The following PEAK3 variants were observed in gnomAD, a reference collection of about 807,000 sequenced individuals.
PEAK3 encodes PEAK family member 3, also known as protein PEAK3.
Under a neutral mutation model 13.3 loss-of-function variants are expected in PEAK3, and 15 were observed. The observed-to-expected ratio is 1.13, with a 90% CI of 0.75 to 1.73. The LOEUF (loss-of-function observed/expected upper bound fraction) is 1.73, where lower values mean the gene tolerates loss of function less well. PEAK3 is among the 40% of genes most tolerant of loss of function. PEAK3 has a pLI of 0.00. For synonymous variants in PEAK3, 347 were observed against 341.9 expected (o/e 1.01, Z -0.17); for missense variants, 739 against 690.2 (o/e 1.07, Z -0.79).
Position 2,276,096 on chromosome 19 carries a change from GACAGACGC to G in PEAK3, c.998_1005del (p.Arg333ProfsTer70), listed in dbSNP as rs2025384090. ...GATCCCGGGGGTCCAGGGGGCTGCA[GACAGACGC>G]GGCCAAAGTCAGTGAGGAGCAGGCG... On this transcript the variant is annotated frameshift_variant, in exon 4 of 4. Transcript: ENST00000342063. LOFTEE classifies it low-confidence loss of function (END_TRUNC). 2.0e-6 allele frequency: 3 copies of G among 1,502,518 alleles called. No homozygotes were observed. Among genetic ancestry groups the G allele is most frequent in the South Asian group, 2.6e-5 (2 of 78,244 alleles). 93.1% of individuals were successfully genotyped at this position (1,502,518 alleles called of 1,614,324 possible). A position where few individuals can be genotyped will look rare whatever the true frequency, so the allele number is the denominator to read the frequency against.
chr19:2,277,251 G>A (rs1308478880), intron 3 of PEAK3, among the ~76,000 whole-genome samples: 1 of 152,094 alleles, frequency 6.6e-6, no homozygotes, highest in African/African-American at 2.4e-5. Context: ...GGTGGGAGGC[G>A]ACTTGGATCT....
chr19:2,279,202 C>T (rs1462185030), intron 2 of PEAK3, 89 bp from the exon 3 acceptor site: 1 of 1,144,628 alleles, frequency 8.7e-7, no homozygotes, highest in African/African-American at 1.6e-5. Context: ...GTTTCCCCAT[C>T]TCTAACATGG....
intron 3 of PEAK3, among the ~76,000 whole-genome samples, chr19:2,276,857 A>G (rs1236891521): frequency 6.6e-6 from 1 of 152,102 alleles, no homozygotes; most frequent in Non-Finnish European, 1.5e-5. Context: ...CTACTAAAAA[A>G]TGCAAAACTA....
At chr19:2,276,560 C>A in intron 3 of PEAK3, 71 bp from the exon 4 acceptor site, 1 of 1,341,684 alleles carries the variant, frequency 7.5e-7, no homozygotes, top group Non-Finnish European at 9.8e-7. Context: ...CCCAGTGCTA[C>A]CTGCCCCGAA....
chr19:2,274,999 A>G lies in PEAK3; in HGVS notation c.*681T>C, dbSNP rs1429203969. On this transcript the variant is annotated 3_prime_UTR_variant, in exon 4 of 4. Coordinates refer to ENST00000342063, the MANE Select transcript of PEAK3 (RefSeq NM_198532.3). The stretch of plus-strand genomic sequence containing the variant: ...AACAGTATGGCAGAGGGAACAGCCT[A>G]CACAAATGCTTGGGGGCGCGAAAGA... 6.8e-6 allele frequency: 1 copy of G among 146,382 alleles called. No homozygotes were observed. Among genetic ancestry groups the G allele is most frequent in the Admixed American group, 6.9e-5 (1 of 14,574 alleles). 9.1% of individuals were successfully genotyped at this position (146,382 alleles called of 1,614,324 possible).
chr19:2,276,185 C>G lies in PEAK3; in HGVS notation c.917G>C (p.Arg306Pro). The G allele has an allele frequency of 6.4e-7, 1 of 1,552,458 alleles. No individual in the cohort carries two copies. The highest frequency in any genetic ancestry group is 8.7e-7 in the Non-Finnish European group (1 of 1,151,124). The change falls in exon 4 of 4, where the codon CGG (arginine) becomes CCG (proline). Residue 306 changes from arginine (R) to proline (P), a missense_variant. By Grantham distance (103) the Arg-to-Pro change is moderately radical. Transcript: ENST00000342063. ...TGCCACCAGCAGCAAGTTCTCCGGC[C>G]GCAACTCGACTAGGGCCGCGCCCCA... ...EAWGAALVEL[R>P]PENLLLVAPR...
In PEAK3 at chr19:2,276,209, C is replaced by A; in HGVS notation, c.893G>T (p.Trp298Leu). 1 of 1,567,802 alleles carries A rather than the reference C, an allele frequency of 6.4e-7. No individual in the cohort carries two copies. Among genetic ancestry groups the A allele is most frequent in the South Asian group, 1.2e-5 (1 of 86,382 alleles). The stretch of plus-strand genomic sequence containing the variant: ...CCGCAACTCGACTAGGGCCGCGCCC[C>A]ACGCCTCCAGGAACTTCAGGGCCGC... ...LSAALKFLEA[W>L]GAALVELRPE... The change falls in exon 4 of 4, where the codon TGG becomes TTG. Residue 298 changes from tryptophan (W) to leucine (L), a missense_variant. Trp to Leu is a moderately conservative substitution (Grantham distance 61). Transcript: ENST00000342063.
At position 2,280,915 on chromosome 19, in the gene PEAK3, G is replaced by A. The variant is rs143764794; in HGVS notation, c.17C>T (p.Pro6Leu). Residue 6 changes from proline to leucine, a missense_variant, in exon 2 of 4, where the codon CCC becomes CTC. Coordinates refer to ENST00000342063, the MANE Select transcript of PEAK3 (RefSeq NM_198532.3). ...GTCGGGCTCGGGGGGCTCTGTGGGG[G>A]GCTCCGGGCTGCTCATGTTGCTGGG... MSSPE[P>L]PTEPPEPDNP... is the part of the protein sequence containing the mutation. The A allele has an allele frequency of 1.4e-5, 22 of 1,571,104 alleles. No individual in the cohort carries two copies. The highest frequency in any genetic ancestry group is 1.7e-5 in the Non-Finnish European group (20 of 1,159,178).
rs540065818 is a variant in PEAK3, at chr19:2,281,594, G to A, written c.-5+493C>T. Among the ~76,000 whole-genome samples the A allele has an allele frequency of 8.5e-5, 12 of 141,514 alleles. No individual in the cohort carries two copies. The East Asian group carries it at 2.7e-3, about 31-fold the overall frequency. The allele number at this position is 141,514 out of a possible 152,430, so 92.8% of individuals were successfully genotyped here. A position where few individuals can be genotyped will look rare whatever the true frequency, so the allele number is the denominator to read the frequency against. Reference sequence around the variant, plus strand: ...CTCTGGGCCCCTGATGTGTGATCCCGAGTGGGTTTCCTGCCCTCTCTGGGG... The same window carrying A: ...CTCTGGGCCCCTGATGTGTGATCCCAAGTGGGTTTCCTGCCCTCTCTGGGG... On this transcript the variant is annotated intron_variant, in intron 1 of 3. Transcript: ENST00000342063.
intron 2 of PEAK3, among the ~76,000 whole-genome samples, chr19:2,279,946 G>T (rs1159347803): frequency 3.3e-5 from 5 of 150,614 alleles, no homozygotes; most frequent in Non-Finnish European, 1.5e-5. Context: ...TAGAGATGGG[G>T]TTTCACCATG....
intron 2 of PEAK3, 66 bp downstream of exon 2, chr19:2,280,784 G>T (rs113248494): frequency 7.7e-7 from 1 of 1,301,020 alleles, no homozygotes. Context: ...CCCACCTGCC[G>T]CTCCCTGCAC....
intron 2 of PEAK3, 67 bp from the exon 3 acceptor site, chr19:2,279,180 C>T (rs2025420124): frequency 7.8e-7 from 1 of 1,277,154 alleles, no homozygotes; most frequent in Admixed American, 3.4e-5. Context: ...GTGACTCCAC[C>T]TCTCAGCCTC....
Position 2,278,861 on chromosome 19 carries a change from A to G in PEAK3, c.335T>C (p.Leu112Pro). The G allele has an allele frequency of 1.9e-6, 3 of 1,598,388 alleles. No homozygotes were observed. The highest frequency in any genetic ancestry group is 2.6e-6 in the Non-Finnish European group (3 of 1,172,830). Residue 112 changes from leucine (L) to proline (P), a missense_variant, in exon 3 of 4, where the codon CTG (leucine) becomes CCG (proline). Leu to Pro is a moderately conservative substitution (Grantham distance 98, BLOSUM62 -3). Transcript: ENST00000342063. The part of the protein sequence containing the change: ...AVGPACLPAE[L>P]TFGPADAPLG... ...TGGGGCGTCAGCCGGGCCAAAGGTC[A>G]GCTCTGCAGGGAGACAGGCTGGTCC... is the stretch of plus-strand genomic sequence containing the variant.
Position 2,274,845 on chromosome 19 carries a change from G to T in PEAK3, c.*835C>A, listed in dbSNP as rs2025367563. The T allele has an allele frequency of 6.9e-6, 1 of 145,904 alleles. No individual in the cohort carries two copies. Among genetic ancestry groups the T allele is most frequent in the African/African-American group, 2.5e-5 (1 of 40,110 alleles). The allele number at this position is 145,904 out of a possible 1,614,324, so 9.0% of individuals were successfully genotyped here. On this transcript the variant is annotated 3_prime_UTR_variant, in exon 4 of 4. Coordinates refer to ENST00000342063, the MANE Select transcript of PEAK3 (RefSeq NM_198532.3). ...AAATTAGCCGGGCGTGGTGGCGGGCGCCTGTAGTCCCAGCTACTCGGGAGG... is the reference window on the plus strand; with the variant it reads ...AAATTAGCCGGGCGTGGTGGCGGGCTCCTGTAGTCCCAGCTACTCGGGAGG...
At chr19:2,278,409 C>T (rs1340571161) in intron 3 of PEAK3, among the ~76,000 whole-genome samples, 175 bp downstream of exon 3, 1 of 142,252 alleles carries the variant, frequency 7.0e-6, no homozygotes, top group Non-Finnish European at 1.5e-5. Context: ...GATCCGCCCG[C>T]CTTGGCCTCC....
rs560274194 is a variant in PEAK3 at position 2,277,676 on chromosome 19, C to G, written c.612+908G>C. The stretch of plus-strand genomic sequence containing the variant: ...CCGCCTCCCAGGTTCAAGTGATTCT[C>G]CTGCCTTAGCCTCCAAGTAGCTGGG... On this transcript the variant is annotated intron_variant, in intron 3 of 3. Transcript: ENST00000342063. 4.8e-4 allele frequency among the ~76,000 whole-genome samples: 73 copies of G among 151,802 alleles called. 1 individual carries two copies. Among genetic ancestry groups the G allele is most frequent in the Admixed American group, 1.4e-3 (22 of 15,230 alleles).
At chr19:2,280,741 A>T (rs1256799758) in intron 2 of PEAK3, 109 bp downstream of exon 2, 3 of 840,558 alleles carry the variant, frequency 3.6e-6, no homozygotes, top group Non-Finnish European at 5.6e-6. Context: ...CCCAGAGGCC[A>T]TGGTGCCCGG....
intron 3 of PEAK3, among the ~76,000 whole-genome samples, chr19:2,277,012 AAAAACAAAAAAC>A (rs1216194010): frequency 3.3e-5 from 5 of 152,096 alleles, no homozygotes; most frequent in Non-Finnish European, 5.9e-5. Context: ...ACTCTGTCTC[AAAAACAAAAAAC>A]AAAACAAAAA....
At chr19:2,276,565 C>A (rs984389237) in intron 3 of PEAK3, 76 bp from the exon 4 acceptor site, 19 of 1,284,818 alleles carry the variant, frequency 1.5e-5, no homozygotes, top group Non-Finnish European at 1.8e-5. Flanking sequence ...TGCTACCTGC[C>A]CCGAAGCCTC....
Sources: allele counts gnomAD v4.1 joint callset (sites outside exome capture counted in the v4.1 genomes callset), GRCh38; gene constraint gnomAD v4.1.1; transcripts MANE v1.5; gene names NCBI Gene and HGNC (gene_info 2026-07-23, HGNC 2026-07-21).